The following SLC30A9 variants were observed in gnomAD, a reference collection of about 807,000 sequenced individuals.
SLC30A9 encodes solute carrier family 30 member 9, also known as proton-coupled zinc antiporter SLC30A9, mitochondrial.
Under a neutral mutation model 87.5 loss-of-function variants are expected in SLC30A9, and 58 were observed. That is an observed-to-expected ratio of 0.66 (90% CI 0.54 to 0.82). SLC30A9 has a LOEUF of 0.82. SLC30A9 is among the 40% of genes least tolerant of loss of function. The pLI, the probability that SLC30A9 is intolerant of heterozygous loss-of-function variation, is 0.00. For synonymous variants in SLC30A9, 234 were observed against 233.0 expected (o/e 1.00, Z -0.04); for missense variants, 557 against 679.1 (o/e 0.82, Z 2.00).
intron 4 of SLC30A9, among the ~76,000 whole-genome samples, chr4:42,020,931 A>G (rs761564842): frequency 6.6e-5 from 10 of 152,118 alleles, no homozygotes; most frequent in Non-Finnish European, 1.3e-4. Context: ...CATGCTCCCA[A>G]CTGTGATTTC....
intron 17 of SLC30A9, among the ~76,000 whole-genome samples, chr4:42,082,716 C>T (rs900682407): frequency 6.6e-6 from 1 of 151,932 alleles, no homozygotes; most frequent in East Asian, 1.9e-4. Flanking sequence ...GGTATGGTGG[C>T]GGGCCCTTCT....
At position 42,088,615 on chromosome 4, in the gene SLC30A9, G is replaced by A. The variant is rs943273404; in HGVS notation, c.*2489G>A. On this transcript the variant is annotated 3_prime_UTR_variant, in exon 18 of 18. Coordinates refer to ENST00000264451, the MANE Select transcript of SLC30A9 (RefSeq NM_006345.4). ...AGCCAGAGGAAGAGCAAGAGGCGGG[G>A]ATTGGGGGTAGGTGCCACACTCTTG... 4 of 152,518 alleles carry A rather than the reference G, an allele frequency of 2.6e-5. No individual in the cohort carries two copies. The highest frequency in any genetic ancestry group is 6.5e-5 in the Admixed American group (1 of 15,284). The allele number at this position is 152,518 out of a possible 1,614,324, so 9.4% of individuals were successfully genotyped here.
chr4:42,041,437 G>A (rs1716919696), intron 8 of SLC30A9, among the ~76,000 whole-genome samples: 1 of 152,092 alleles, frequency 6.6e-6, no homozygotes, highest in Admixed American at 6.5e-5. Flanking sequence ...AGGCACACAT[G>A]TTTTAAGGAA....
At chr4:42,004,952 C>A (rs1485367773) in intron 2 of SLC30A9, among the ~76,000 whole-genome samples, 1 of 152,082 alleles carries the variant, frequency 6.6e-6, no homozygotes, top group Non-Finnish European at 1.5e-5. Flanking sequence ...CTATACCGGC[C>A]ATATTTTTCA....
intron 15 of SLC30A9, among the ~76,000 whole-genome samples, chr4:42,074,120 T>C (rs1301753249): frequency 6.6e-6 from 1 of 152,130 alleles, no homozygotes; most frequent in Non-Finnish European, 1.5e-5. Flanking sequence ...GAATAAATGA[T>C]ATAGCCTTTT....
intron 2 of SLC30A9, among the ~76,000 whole-genome samples, chr4:42,015,557 C>G (rs957116660): frequency 6.6e-6 from 1 of 152,088 alleles, no homozygotes; most frequent in African/African-American, 2.4e-5. Context: ...TTTTCAGAGA[C>G]TTATATTCTG....
chr4:42,052,407 A>G (rs924522066), intron 9 of SLC30A9, among the ~76,000 whole-genome samples: 4 of 152,246 alleles, frequency 2.6e-5, no homozygotes, highest in Non-Finnish European at 5.9e-5. Flanking sequence ...GACAAACCGA[A>G]TAAATTCCAA....
chr4:42,041,748 C>A (rs1480116482), intron 8 of SLC30A9, among the ~76,000 whole-genome samples: 1 of 152,080 alleles, frequency 6.6e-6, no homozygotes, highest in East Asian at 1.9e-4. Flanking sequence ...AAATAAATAG[C>A]CAGCTAGGGG....
rs1232694540 is a variant in SLC30A9 at position 42,020,410 on chromosome 4, G to A, written c.335-6G>A. ...TATTTATTATGTTTTCCTGTTTTTT[G>A]TTTAGTTAAAGCAGTCCTTAAGAAA... On this transcript the variant is annotated splice_polypyrimidine_tract_variant and splice_region_variant and intron_variant, in intron 3 of 17. Transcript: ENST00000264451. 5.2e-6 allele frequency: 7 copies of A among 1,351,770 alleles called. No individual in the cohort carries two copies. The highest frequency in any genetic ancestry group is 7.3e-6 in the Non-Finnish European group (7 of 956,550). 83.7% of individuals were successfully genotyped at this position (1,351,770 alleles called of 1,614,324 possible).
chr4:42,070,084 T>C (rs1718248258), intron 14 of SLC30A9: 1 of 153,212 alleles, frequency 6.5e-6, no homozygotes, highest in Non-Finnish European at 1.5e-5. Context: ...TTATTTTCTG[T>C]AGGGCTTAAT....
At position 42,060,890 on chromosome 4, in the gene SLC30A9, G is replaced by A. The variant is rs73812704; in HGVS notation, c.896+644G>A. ...AGTGCACTTTTATTTCTGTAAAGGA[G>A]TCTACCTCTATTCTTTAGAAATGCC... On this transcript the variant is annotated intron_variant, in intron 10 of 17. Transcript: ENST00000264451. 6.6e-3 allele frequency among the ~76,000 whole-genome samples: 998 copies of A among 152,136 alleles called. 16 individuals carry two copies. Among genetic ancestry groups the A allele is most frequent in the African/African-American group, 0.023 (958 of 41,500 alleles).
chr4:41,990,877 C>A (rs1308737087), intron 1 of SLC30A9, 117 bp downstream of exon 1: 31 of 719,328 alleles, frequency 4.3e-5, no homozygotes, highest in Non-Finnish European at 6.6e-5. Flanking sequence ...TCAGAACCTT[C>A]CTTTCTGGCC....
intron 9 of SLC30A9, among the ~76,000 whole-genome samples, chr4:42,056,726 C>T (rs761538882): frequency 4.7e-4 from 71 of 152,182 alleles, no homozygotes; most frequent in Non-Finnish European, 8.8e-4. Flanking sequence ...AAAGTCCATC[C>T]AAGGTGTCAT....
In SLC30A9 at chr4:42,015,487, C is replaced by T. The variant is rs114606608; in HGVS notation, c.275-2624C>T. Among the ~76,000 whole-genome samples, 633 of 152,278 alleles carry T rather than the reference C, an allele frequency of 4.2e-3. 6 individuals are homozygous for T. Among genetic ancestry groups the T allele is most frequent in the African/African-American group, 0.014 (590 of 41,554 alleles). ...AGTCAGACTTAGTGGTGTTCCATAT[C>T]ATTTAAATGAACTCATAATCTAAAT... On this transcript the variant is annotated intron_variant, in intron 2 of 17. Coordinates refer to ENST00000264451, the MANE Select transcript of SLC30A9 (RefSeq NM_006345.4).
At chr4:42,084,564 C>T (rs1489710503) in intron 17 of SLC30A9, among the ~76,000 whole-genome samples, 2 of 152,092 alleles carry the variant, frequency 1.3e-5, no homozygotes, top group Admixed American at 6.5e-5. Context: ...CTCTGCCTCC[C>T]GGGTTCAAGC....
intron 8 of SLC30A9, among the ~76,000 whole-genome samples, chr4:42,042,395 G>A (rs1195986553): frequency 6.6e-6 from 1 of 152,036 alleles, no homozygotes; most frequent in Non-Finnish European, 1.5e-5. Flanking sequence ...GGGGGTTGGG[G>A]ACCACCATTA....
At chr4:42,047,515 G>A (rs944061092) in intron 8 of SLC30A9, among the ~76,000 whole-genome samples, 1 of 152,132 alleles carries the variant, frequency 6.6e-6, no homozygotes, top group Admixed American at 6.6e-5. Flanking sequence ...AATGCAAATC[G>A]AAACCACAAT....
At chr4:42,059,788 T>C (rs1228776751) in intron 9 of SLC30A9, among the ~76,000 whole-genome samples, 1 of 152,174 alleles carries the variant, frequency 6.6e-6, no homozygotes, top group African/African-American at 2.4e-5. Flanking sequence ...AGTTCTGTAC[T>C]GTACATACTG....
At chr4:42,055,773 T>C (rs938124581) in intron 9 of SLC30A9, among the ~76,000 whole-genome samples, 1 of 152,218 alleles carries the variant, frequency 6.6e-6, no homozygotes, top group Non-Finnish European at 1.5e-5. Flanking sequence ...TGCGGTTATA[T>C]GCACATAAAA....
Sources: allele counts gnomAD v4.1 joint callset (sites outside exome capture counted in the v4.1 genomes callset), GRCh38; gene constraint gnomAD v4.1.1; transcripts MANE v1.5; gene names NCBI Gene and HGNC (gene_info 2026-07-23, HGNC 2026-07-21).